The following FRMD1 variants were observed in gnomAD, a reference collection of about 807,000 sequenced individuals.
FRMD1 encodes FERM domain containing 1, also known as FERM domain-containing protein 1.
A neutral mutation model predicts 54.9 loss-of-function variants in FRMD1; 51 were observed. The ratio of observed to expected loss-of-function variants is 0.93; its 90% confidence interval spans 0.74 to 1.17. FRMD1 has a LOEUF of 1.17. Among genes scored for constraint, FRMD1 ranks in the 50% most tolerant of loss-of-function variants. The probability of loss-of-function intolerance (pLI) is 0.00; values close to 1 mark genes in which losing one functional copy is unlikely to be tolerated. For synonymous variants in FRMD1, 324 were observed against 306.4 expected, an observed-to-expected ratio of 1.06 and a Z score of -0.60; for missense variants, 729 against 743.0, an observed-to-expected ratio of 0.98 and a Z score of 0.22.
chr6:168,089,849 C>T (rs1800985282), intron 1 of FRMD1, among the ~76,000 whole-genome samples: 1 of 152,196 alleles, frequency 6.6e-6, no homozygotes. Flanking sequence ...GTGAGCCCCG[C>T]AGTGAGAACA....
chr6:168,080,826 G>A (rs1800807686), upstream of FRMD1, among the ~76,000 whole-genome samples: 4 of 150,762 alleles, frequency 2.7e-5, no homozygotes, highest in Admixed American at 2.6e-4. Flanking sequence ...TGCGGGCGCT[G>A]GTTTGTGCGG....
intron 8 of FRMD1, 119 bp downstream of exon 8, chr6:168,061,688 G>T: frequency 9.1e-7 from 1 of 1,102,952 alleles, no homozygotes; most frequent in Non-Finnish European, 1.3e-6. Flanking sequence ...GGACGTGGGA[G>T]TCAGGAGGCC....
chr6:168,078,658 G>GCCCTGCTCACCCCCACA (rs1800709462), intron 1 of FRMD1, among the ~76,000 whole-genome samples: 1 of 94,832 alleles, frequency 1.1e-5, no homozygotes, highest in Non-Finnish European at 2.2e-5. Flanking sequence ...GGCCACCCAG[G>GCCCTGCTCACCCCCACA]GCCCTGCTCA....
In FRMD1 at chr6:168,059,174, G is replaced by A. The variant is rs773090242; in HGVS notation, c.1357C>T (p.Pro453Ser). The A allele has an allele frequency of 6.3e-6, 10 of 1,586,176 alleles. No individual in the cohort carries two copies. The South Asian group carries it at 8.0e-5, about 13-fold the overall frequency. ...RGDSQATRQE[P>S]CTQVRTRGQS... ...CCTCTGGTCCTGACCTGGGTGCAGGGCTCCTGACGAGTGGCTGTGGGAGGA... is the reference window on the plus strand; with the variant it reads ...CCTCTGGTCCTGACCTGGGTGCAGGACTCCTGACGAGTGGCTGTGGGAGGA... The change falls in exon 10 of 11, where the codon CCC becomes TCC. Residue 453 changes from proline to serine, a missense_variant. Coordinates refer to ENST00000283309, the MANE Select transcript of FRMD1 (RefSeq NM_024919.6). The surrounding 1 kb of genome is among the most constrained non-coding windows in gnomAD (Gnocchi z 4.4).
At chr6:168,085,598 A>G (rs749413262), upstream of FRMD1, among the ~76,000 whole-genome samples, 5 of 152,132 alleles carry the variant, frequency 3.3e-5, no homozygotes, top group Non-Finnish European at 7.4e-5. Flanking sequence ...TGAAGCCACA[A>G]CCTCTGTGAG....
At chr6:168,068,686 T>C (rs1031292958) in intron 2 of FRMD1, among the ~76,000 whole-genome samples, 1 of 152,226 alleles carries the variant, frequency 6.6e-6, no homozygotes, top group African/African-American at 2.4e-5. Context: ...TCTACTCTTA[T>C]TTATATTAGA....
chr6:168,076,521 C>A (rs149235060), intron 1 of FRMD1, among the ~76,000 whole-genome samples: 354 of 152,262 alleles, frequency 2.3e-3, no homozygotes, highest in African/African-American at 7.8e-3. Context: ...TGAGAGAGTT[C>A]TCATGAGATC....
At chr6:168,073,439 C>T (rs1051262966) in intron 2 of FRMD1, among the ~76,000 whole-genome samples, 3 of 152,166 alleles carry the variant, frequency 2.0e-5, no homozygotes, top group Non-Finnish European at 4.4e-5. Flanking sequence ...AAAGGCTGGC[C>T]TGCTGGACCC....
chr6:168,078,785 CGGCCACCCAGGGCCCTGCTCACCCCCA>C (rs1800723911), intron 1 of FRMD1, 70 bp downstream of exon 1: 13 of 87,988 alleles, frequency 1.5e-4, no homozygotes, highest in South Asian at 6.2e-4. Flanking sequence ...CTCACCCCCA[CGGCCACCCAGGGCCCTGCTCACCCCCA>C]CGGCCACCCG....
chr6:168,074,507 ATG>A (rs150226934), intron 2 of FRMD1, among the ~76,000 whole-genome samples: 15,101 of 129,494 alleles, frequency 0.12, 799 homozygotes, highest in South Asian at 0.12. Context: ...TGGTGTGTGC[ATG>A]TGTGTGGTGT....
At chr6:168,085,634 C>T (rs557231420), upstream of FRMD1, among the ~76,000 whole-genome samples, 4 of 152,324 alleles carry the variant, frequency 2.6e-5, no homozygotes, top group South Asian at 2.1e-4. Flanking sequence ...GAGGCCTGGA[C>T]GGAAGGGCGT....
chr6:168,065,556 A>C, intron 4 of FRMD1: 1 of 986,912 alleles, frequency 1.0e-6, no homozygotes, highest in Non-Finnish European at 1.2e-6. Context: ...CTTCTCATAT[A>C]ATTCCCCCGA....
At chr6:168,072,680 TC>T (rs1388187042) in intron 2 of FRMD1, among the ~76,000 whole-genome samples, 1 of 151,964 alleles carries the variant, frequency 6.6e-6, no homozygotes, top group Admixed American at 6.6e-5. Context: ...GCCCCTGAAT[TC>T]CCCCCAATCC....
intron 6 of FRMD1, 86 bp downstream of exon 6, chr6:168,063,515 T>G: frequency 2.1e-6 from 3 of 1,413,076 alleles, no homozygotes; most frequent in Non-Finnish European, 2.8e-6. Context: ...TGCCCTGGGG[T>G]CCTGATCCCA....
rs934968235 is a variant in FRMD1 at position 168,055,357 on chromosome 6, A to C, written c.*1740T>G. ...TGCATGCGTGTGCATCTGTGTGCAG[A>C]TGTGTGCGTGTGTGCATGTATGTGT... On this transcript the variant is annotated 3_prime_UTR_variant, in exon 11 of 11. Coordinates refer to ENST00000283309, the MANE Select transcript of FRMD1 (RefSeq NM_024919.6). The C allele has an allele frequency of 2.6e-5, 4 of 152,460 alleles. No homozygotes were observed. Among genetic ancestry groups the C allele is most frequent in the African/African-American group, 9.7e-5 (4 of 41,336 alleles). 9.4% of individuals were successfully genotyped at this position (152,460 alleles called of 1,614,324 possible).
At position 168,059,063 on chromosome 6, in the gene FRMD1, A is replaced by G; in HGVS notation, c.1407+61T>C. Reference sequence around the variant, plus strand: ...AGGTCCCCAGGGCCCCTGACAGGGGACCTAGGAGAAGGGGGTGGAGGAGCA... The same window carrying G: ...AGGTCCCCAGGGCCCCTGACAGGGGGCCTAGGAGAAGGGGGTGGAGGAGCA... On this transcript the variant is annotated intron_variant, in intron 10 of 10. Transcript: ENST00000283309. The surrounding 1 kb of genome is among the most constrained non-coding windows in gnomAD (Gnocchi z 4.4). 1 of 1,328,100 alleles carries G rather than the reference A, an allele frequency of 7.5e-7. No homozygotes were observed. The highest frequency in any genetic ancestry group is 2.5e-5 in the East Asian group (1 of 40,178). The allele number at this position is 1,328,100 out of a possible 1,614,324, so 82.3% of individuals were successfully genotyped here.
chr6:168,090,115 C>T (rs549478650), intron 1 of FRMD1, among the ~76,000 whole-genome samples: 7 of 152,252 alleles, frequency 4.6e-5, no homozygotes, highest in East Asian at 1.9e-4. Flanking sequence ...CATCTGACCC[C>T]GTTCCCACCT....
chr6:168,083,807 G>A (rs1218213384), upstream of FRMD1, among the ~76,000 whole-genome samples: 1 of 152,230 alleles, frequency 6.6e-6, no homozygotes, highest in African/African-American at 2.4e-5. Flanking sequence ...AGACAGCAGA[G>A]CCAGGAGGGC....
At chr6:168,063,510 T>C (rs2114970856) in intron 6 of FRMD1, 91 bp downstream of exon 6, 1 of 1,381,206 alleles carries the variant, frequency 7.2e-7, no homozygotes. Flanking sequence ...ATCCCTGCCC[T>C]GGGGTCCTGA....
Sources: allele counts gnomAD v4.1 joint callset (sites outside exome capture counted in the v4.1 genomes callset), GRCh38; gene constraint gnomAD v4.1.1; non-coding constraint Gnocchi (gnomAD v3.1); transcripts MANE v1.5; gene names NCBI Gene and HGNC (gene_info 2026-07-23, HGNC 2026-07-21).